SIK3: variants seen among roughly 807,000 people sequenced by gnomAD.
SIK3 encodes SIK family kinase 3, also known as serine/threonine-protein kinase SIK3.
A neutral mutation model predicts 144.2 loss-of-function variants in SIK3; 28 were observed. That is an observed-to-expected ratio of 0.19 (90% CI 0.14 to 0.27). SIK3 has a LOEUF of 0.27. SIK3 is among the 10% of genes least tolerant of loss of function. The pLI is 1.00. For missense variants in SIK3, 1,319 were observed against 1,776.0 expected (o/e 0.74, Z 4.62); for synonymous variants, 686 against 676.3 (o/e 1.01, Z -0.22).
At chr11:117,068,341 T>A (rs17120273) in intron 1 of SIK3, among the ~76,000 whole-genome samples, 6,881 of 152,258 alleles carry the variant, frequency 0.045, 518 homozygotes, top group African/African-American at 0.16. Context: ...AATTCATCTA[T>A]TCTCCACCAA....
chr11:116,901,224 G>A (rs1311340819), intron 4 of SIK3, among the ~76,000 whole-genome samples: 2 of 152,188 alleles, frequency 1.3e-5, no homozygotes, highest in Non-Finnish European at 2.9e-5. Flanking sequence ...ATTAGTAAAT[G>A]GAGGAGATAC....
At chr11:116,926,751 T>G (rs544558154) in intron 4 of SIK3, among the ~76,000 whole-genome samples, 54 of 152,316 alleles carry the variant, frequency 3.5e-4, no homozygotes, top group African/African-American at 1.2e-3. Context: ...CCGGGTGTGG[T>G]GGCTCACGCC....
intron 1 of SIK3, among the ~76,000 whole-genome samples, chr11:116,962,233 T>C (rs1949373567): frequency 6.6e-6 from 1 of 152,134 alleles, no homozygotes; most frequent in African/African-American, 2.4e-5. Context: ...TAGCAGATAG[T>C]ACGGATTCAG....
intron 1 of SIK3, among the ~76,000 whole-genome samples, chr11:117,010,925 G>C (rs921293040): frequency 6.6e-6 from 1 of 152,110 alleles, no homozygotes; most frequent in Non-Finnish European, 1.5e-5. Flanking sequence ...TTCGAGACCA[G>C]CCTGGCCAAC....
At chr11:116,990,014 A>T (rs1342757579) in intron 1 of SIK3, among the ~76,000 whole-genome samples, 1 of 152,236 alleles carries the variant, frequency 6.6e-6, no homozygotes, top group East Asian at 1.9e-4. Context: ...GTCTGAAAAC[A>T]GTGGCAAAAG....
At chr11:116,965,372 A>AT (rs376035853) in intron 1 of SIK3, among the ~76,000 whole-genome samples, 11,433 of 148,396 alleles carry the variant, frequency 0.077, 782 homozygotes, top group African/African-American at 0.18. Context: ...GTATTCAACA[A>AT]TTTTTTTTTT....
At chr11:117,008,133 T>C (rs1951122908) in intron 1 of SIK3, among the ~76,000 whole-genome samples, 1 of 135,002 alleles carries the variant, frequency 7.4e-6, no homozygotes, top group Non-Finnish European at 1.6e-5. Context: ...ATATCAAAAG[T>C]CTAACTGAAG....
intron 6 of SIK3, among the ~76,000 whole-genome samples, chr11:116,887,843 C>A (rs1944904931): frequency 6.6e-6 from 1 of 152,128 alleles, no homozygotes; most frequent in African/African-American, 2.4e-5. Context: ...ATACAATCAA[C>A]CTAGCCTCAA....
rs779175738 is a variant in SIK3 at position 116,846,517 on chromosome 11, T to G, written c.3989A>C (p.Asp1330Ala). 5 of 1,614,038 alleles carry G rather than the reference T, an allele frequency of 3.1e-6. No homozygotes were observed. The highest frequency in any genetic ancestry group is 1.7e-5 in the Admixed American group (1 of 60,008). Residue 1330 changes from aspartate (D) to alanine (A), a missense_variant, in exon 24 of 25, where the codon GAC becomes GCC. By Grantham distance (126) the Asp-to-Ala change is moderately radical (BLOSUM62 -2). Around this residue, in one of 8 missense-constraint regions of SIK3, gnomAD observed 646 missense variants for 763.7 expected, o/e 0.85. Transcript: ENST00000445177. This position sits in a 1 kb window ranked among gnomAD's most constrained non-coding sequence, Gnocchi z 4.1. The stretch of plus-strand genomic sequence containing the variant: ...TAAATGCTGGCTGCCATCACTCAGG[T>G]CTGGGTGCTCATGACCTCCCAGGCT... ...GASLGGHEHP[D>A]LSDGSQHLNS...
At chr11:116,962,952 C>T (rs572080146) in intron 1 of SIK3, among the ~76,000 whole-genome samples, 64 of 151,388 alleles carry the variant, frequency 4.2e-4, no homozygotes, top group African/African-American at 7.0e-4. Flanking sequence ...TTCTCTTGGA[C>T]GGCACTGATC....
At chr11:117,058,385 T>C (rs1290281815) in intron 1 of SIK3, among the ~76,000 whole-genome samples, 2 of 151,916 alleles carry the variant, frequency 1.3e-5, no homozygotes, top group Non-Finnish European at 2.9e-5. Context: ...CGAGGCATGG[T>C]GGCATGCACC....
At chr11:117,036,658 A>T (rs926705624) in intron 1 of SIK3, among the ~76,000 whole-genome samples, 1 of 152,256 alleles carries the variant, frequency 6.6e-6, no homozygotes, top group African/African-American at 2.4e-5. Flanking sequence ...TTGTGTTAAC[A>T]TATCGTTAAT....
chr11:116,897,412 G>A, intron 4 of SIK3, 95 bp from the exon 5 acceptor site: 1 of 1,109,436 alleles, frequency 9.0e-7, no homozygotes, highest in Non-Finnish European at 1.3e-6. Flanking sequence ...CCAAATCATT[G>A]TCTGAATATT....
At chr11:117,054,651 G>A (rs962724985) in intron 1 of SIK3, among the ~76,000 whole-genome samples, 1 of 152,188 alleles carries the variant, frequency 6.6e-6, no homozygotes, top group Non-Finnish European at 1.5e-5. Context: ...GTACTTGATA[G>A]GCCAGGTGTG....
intron 21 of SIK3, among the ~76,000 whole-genome samples, chr11:116,852,511 A>G (rs1420649308): frequency 6.6e-6 from 1 of 152,242 alleles, no homozygotes; most frequent in African/African-American, 2.4e-5. Context: ...CCTGAGGAGC[A>G]GGAGCTCGGG....
chr11:116,938,438 C>T (rs1389803126), intron 3 of SIK3, among the ~76,000 whole-genome samples: 1 of 3,612 alleles, frequency 2.8e-4, no homozygotes, highest in African/African-American at 1.3e-3. Context: ...AAGAAGGGGA[C>T]GGGACGGGAG....
At chr11:117,067,613 T>G (rs182333658) in intron 1 of SIK3, among the ~76,000 whole-genome samples, 76 of 152,314 alleles carry the variant, frequency 5.0e-4, no homozygotes, top group African/African-American at 1.6e-3. Flanking sequence ...GGTGTGTATA[T>G]TTGTCAAAAT....
intron 3 of SIK3, 87 bp from the exon 4 acceptor site, chr11:116,927,467 C>G (rs1047139885): frequency 3.8e-6 from 5 of 1,329,322 alleles, no homozygotes; most frequent in Non-Finnish European, 5.2e-6. Context: ...ACAAGGGGCC[C>G]TCTCGAGTGA....
chr11:117,093,053 C>T (rs1321813290), intron 1 of SIK3, among the ~76,000 whole-genome samples: 1 of 152,220 alleles, frequency 6.6e-6, no homozygotes, highest in African/African-American at 2.4e-5. Context: ...TTAGCAACCC[C>T]ATCACCACTG....
Sources: gnomAD v4.1 joint callset for allele counts (sites outside exome capture counted in the v4.1 genomes callset) on GRCh38, gnomAD v4.1.1 for gene constraint, gnomAD v4.1.1 regional missense constraint, Gnocchi (gnomAD v3.1) non-coding constraint, MANE v1.5 for transcripts, NCBI Gene and HGNC (gene_info 2026-07-23, HGNC 2026-07-21) for gene names.